The following TJP1 variants were observed in gnomAD, a reference collection of about 807,000 sequenced individuals.
TJP1 encodes the protein tight junction protein 1.
Under a neutral mutation model 194.2 loss-of-function variants are expected in TJP1, and 43 were observed. The ratio of observed to expected loss-of-function variants is 0.22; its 90% CI spans 0.17 to 0.29. The LOEUF is 0.29. TJP1 is among the 10% of genes least tolerant of loss of function. The pLI, the probability that TJP1 is intolerant of heterozygous loss-of-function variation, is 1.00. For synonymous variants in TJP1, 801 were observed against 779.0 expected (o/e 1.03, Z -0.47); for missense variants, 1,971 against 2,185.7 (o/e 0.90, Z 1.96).
intron 2 of TJP1, among the ~76,000 whole-genome samples, chr15:29,831,460 T>A (rs2050834476): frequency 6.6e-6 from 1 of 152,194 alleles, no homozygotes; most frequent in Admixed American, 6.5e-5. Context: ...TCTACAGGGC[T>A]AATGTGCATA....
At chr15:29,759,782 T>C (rs1208814915) in intron 8 of TJP1, 2 of 157,904 alleles carry the variant, frequency 1.3e-5, no homozygotes, top group Admixed American at 1.3e-4. Context: ...ATCCATGTTG[T>C]TCCAAATGGC....
intron 2 of TJP1, among the ~76,000 whole-genome samples, chr15:29,794,191 C>T (rs756593893): frequency 1.9e-4 from 29 of 152,044 alleles, no homozygotes; most frequent in Admixed American, 5.2e-4. Flanking sequence ...AAACAAAAAA[C>T]AACCAAAAAA....
At chr15:29,950,114 TCCACAACCACCACCTCCA>T in intron 2 of TJP1, among the ~76,000 whole-genome samples, 1 of 17,342 alleles carries the variant, frequency 5.8e-5, no homozygotes, top group Non-Finnish European at 1.1e-4. Context: ...CACCACCACC[TCCACAACCACCACCTCCA>T]CCACCACCAC....
intron 19 of TJP1, 67 bp downstream of exon 19, chr15:29,720,291 C>A (rs1293909145): frequency 4.5e-6 from 6 of 1,336,964 alleles, no homozygotes; most frequent in Non-Finnish European, 6.1e-6. Context: ...ATTTTTAACT[C>A]AATCACCACA....
chr15:29,807,834 GA>G (rs1231986071), intron 1 of TJP1, among the ~76,000 whole-genome samples: 5 of 151,880 alleles, frequency 3.3e-5, no homozygotes, highest in Admixed American at 1.3e-4. Flanking sequence ...ACCAATTTTG[GA>G]AAAAATATTT....
In TJP1 at chr15:29,742,785, T is replaced by C; in HGVS notation, c.1011-4A>G. Reference sequence around the variant, plus strand: ...CTCTTCATCTCTACTCCGGAGACTGTGTGTCATTAAAATAAAAAATCAAGA... The same window carrying C: ...CTCTTCATCTCTACTCCGGAGACTGCGTGTCATTAAAATAAAAAATCAAGA... On this transcript the variant is annotated splice_region_variant and splice_polypyrimidine_tract_variant and intron_variant, in intron 8 of 27. Transcript: ENST00000614355. The C allele has an allele frequency of 1.3e-6, 2 of 1,573,056 alleles. No individual in the cohort carries two copies. The highest frequency in any genetic ancestry group is 1.7e-4 in the Middle Eastern group (1 of 5,906).
intron 1 of TJP1, among the ~76,000 whole-genome samples, chr15:29,812,005 G>A (rs2049554974): frequency 6.6e-6 from 1 of 152,156 alleles, no homozygotes; most frequent in Admixed American, 6.5e-5. Context: ...GTTTTTAGAA[G>A]ACACAGCTAA....
chr15:29,757,390 C>T (rs1257125326), intron 8 of TJP1, among the ~76,000 whole-genome samples: 1 of 151,926 alleles, frequency 6.6e-6, no homozygotes, highest in Non-Finnish European at 1.5e-5. Context: ...AATTTACATA[C>T]AATTTGTAAA....
chr15:29,769,039 A>C (rs981868017), intron 4 of TJP1, among the ~76,000 whole-genome samples: 2 of 152,238 alleles, frequency 1.3e-5, no homozygotes, highest in Non-Finnish European at 2.9e-5. Context: ...AAAACATTTC[A>C]ATGTTGTAAT....
At chr15:29,794,194 C>A (rs1027975133) in intron 2 of TJP1, among the ~76,000 whole-genome samples, 2 of 151,880 alleles carry the variant, frequency 1.3e-5, no homozygotes, top group Non-Finnish European at 2.9e-5. Flanking sequence ...CAAAAAACAA[C>A]CAAAAAACCA....
rs2046343979 is a variant in TJP1, at chr15:29,766,551, T to C, written c.313-9A>G. The C allele has an allele frequency of 1.3e-6, 2 of 1,525,942 alleles. No individual in the cohort carries two copies. Among genetic ancestry groups the C allele is most frequent in the Non-Finnish European group, 1.8e-6 (2 of 1,139,700 alleles). The allele number at this position is 1,525,942 out of a possible 1,614,324, so 94.5% of individuals were successfully genotyped here. Reference sequence around the variant, plus strand: ...TTCTTCCTTCTAATTGTCTGCAAGTTAAAAAGGTTAAAAAATAAGTTGACT... The same window carrying C: ...TTCTTCCTTCTAATTGTCTGCAAGTCAAAAAGGTTAAAAAATAAGTTGACT... On this transcript the variant is annotated splice_polypyrimidine_tract_variant and intron_variant, in intron 4 of 27. Transcript: ENST00000614355.
chr15:29,961,640 G>A (rs1430349699), intron 1 of TJP1, among the ~76,000 whole-genome samples: 1 of 152,112 alleles, frequency 6.6e-6, no homozygotes, highest in African/African-American at 2.4e-5. Context: ...CCACCCTCTC[G>A]TTCCACTTCC....
chr15:29,932,971 CTA>C (rs1478646457), intron 2 of TJP1, among the ~76,000 whole-genome samples: 3 of 152,044 alleles, frequency 2.0e-5, no homozygotes, highest in East Asian at 3.9e-4. Flanking sequence ...TAATGTGTAA[CTA>C]TGAATTTTGT....
chr15:29,782,680 C>T (rs1209793382), intron 2 of TJP1, among the ~76,000 whole-genome samples: 1 of 151,942 alleles, frequency 6.6e-6, no homozygotes, highest in African/African-American at 2.4e-5. Flanking sequence ...GCAACAAAAG[C>T]AAAAATTGAC....
intron 2 of TJP1, among the ~76,000 whole-genome samples, chr15:29,870,454 G>A (rs997782051): frequency 1.3e-5 from 2 of 152,180 alleles, no homozygotes; most frequent in African/African-American, 4.8e-5. Context: ...ATGAATGTCA[G>A]GCATTTAGCA....
chr15:29,911,894 T>C (rs2054026105), intron 2 of TJP1, among the ~76,000 whole-genome samples: 1 of 152,196 alleles, frequency 6.6e-6, no homozygotes, highest in Non-Finnish European at 1.5e-5. Context: ...TTAGGAGTTA[T>C]GGGGATATAG....
chr15:29,778,935 T>C (rs1263679896), intron 2 of TJP1, among the ~76,000 whole-genome samples: 1 of 152,130 alleles, frequency 6.6e-6, no homozygotes, highest in African/African-American at 2.4e-5. Context: ...CAAGGCCCTA[T>C]TTGGGAGGAA....
chr15:29,705,815 G>A (rs1375348766), intron 25 of TJP1, 70 bp from the exon 26 acceptor site: 4 of 1,309,682 alleles, frequency 3.1e-6, no homozygotes, highest in South Asian at 1.3e-5. Flanking sequence ...TACTACTACT[G>A]TATTACGTGC....
At chr15:29,798,184 T>A (rs894175086) in intron 2 of TJP1, among the ~76,000 whole-genome samples, 3 of 152,020 alleles carry the variant, frequency 2.0e-5, no homozygotes, top group African/African-American at 7.2e-5. Context: ...TTGGCCAGGC[T>A]GGTCTCAAAC....
Sources: gnomAD v4.1 joint callset for allele counts (sites outside exome capture counted in the v4.1 genomes callset) on GRCh38, gnomAD v4.1.1 for gene constraint, MANE v1.5 for transcripts, NCBI Gene and HGNC (gene_info 2026-07-23, HGNC 2026-07-21) for gene names.